The following ANKRD28 variants were observed in gnomAD, a reference collection of about 807,000 sequenced individuals.
ANKRD28 encodes ankyrin repeat domain 28, also known as serine/threonine-protein phosphatase 6 regulatory ankyrin repeat subunit A.
In ANKRD28, 44 loss-of-function variants were observed where a neutral mutation model predicts 126.5. The ratio of observed to expected loss-of-function variants is 0.35; its 90% CI spans 0.27 to 0.45. The LOEUF (loss-of-function observed/expected upper bound fraction) is 0.45. Ranked by LOEUF, ANKRD28 falls within the 20% of genes least tolerant of loss-of-function variation. The pLI is 1.00. For synonymous variants in ANKRD28, 442 were observed against 468.5 expected (o/e 0.94, Z 0.73); for missense variants, 1,110 against 1,316.6 (o/e 0.84, Z 2.43).
chr3:15,742,078 G>T (rs1005462050), intron 4 of ANKRD28, among the ~76,000 whole-genome samples: 21 of 152,144 alleles, frequency 1.4e-4, no homozygotes, highest in African/African-American at 5.1e-4. Context: ...GCGTGATCTC[G>T]GCTCGCTACA....
At chr3:15,857,537 G>A (rs955032409) in intron 1 of ANKRD28, among the ~76,000 whole-genome samples, 6 of 152,268 alleles carry the variant, frequency 3.9e-5, no homozygotes, top group Admixed American at 2.0e-4. Flanking sequence ...CGCCTGCCTC[G>A]GCCTCTCAAA....
intron 2 of ANKRD28, among the ~76,000 whole-genome samples, chr3:15,780,324 A>G (rs995634640): frequency 6.6e-6 from 1 of 152,138 alleles, no homozygotes; most frequent in Admixed American, 6.5e-5. Context: ...AATAGCAACA[A>G]CAAAAAAAAG....
chr3:15,819,689 C>T (rs1469887416), intron 1 of ANKRD28, among the ~76,000 whole-genome samples: 1 of 152,138 alleles, frequency 6.6e-6, no homozygotes, highest in East Asian at 1.9e-4. Flanking sequence ...GAATCAGATG[C>T]ATACCAATGT....
chr3:15,822,076 T>C (rs554254812), intron 1 of ANKRD28, among the ~76,000 whole-genome samples: 1 of 152,262 alleles, frequency 6.6e-6, no homozygotes, highest in East Asian at 1.9e-4. Flanking sequence ...CCATATATAA[T>C]AGAAAACCTA....
intron 7 of ANKRD28, among the ~76,000 whole-genome samples, chr3:15,723,502 C>T (rs112593398): frequency 1.2e-4 from 18 of 152,246 alleles, no homozygotes; most frequent in Middle Eastern, 3.4e-3. Flanking sequence ...AGAATAAATA[C>T]GCTGAGTGGG....
At position 15,697,839 on chromosome 3, in the gene ANKRD28, C is replaced by T. The variant is rs554403851; in HGVS notation, c.1548-1594G>A. ...TCCTCTTTGTACCTCTGGTAGAATT[C>T]GGCTGTGAATCCATCTGGTCCTGGA... On this transcript the variant is annotated intron_variant, in intron 14 of 27. Coordinates refer to ENST00000683139, the MANE Select transcript of ANKRD28 (RefSeq NM_001349278.2). Among the ~76,000 whole-genome samples, 295 of 152,202 alleles carry T rather than the reference C, an allele frequency of 1.9e-3. 1 individual carries two copies. The highest frequency in any genetic ancestry group is 6.7e-3 in the African/African-American group (279 of 41,550).
rs774230769 is a variant in ANKRD28 at position 15,685,432 on chromosome 3, T to C, written c.2183A>G (p.His728Arg). ...AAGTAATGCATCTACACATTCTTCA[T>C]GGCCTGTAACTGCCTGAAAGAAAAT... ...TALHRGAVTG[H>R]EECVDALLQH... is the part of the protein sequence containing the mutation. The change falls in exon 21 of 28, where the codon CAT becomes CGT. Residue 728 changes from histidine to arginine, a missense_variant. Transcript: ENST00000683139. The C allele has an allele frequency of 1.9e-6, 3 of 1,613,892 alleles. No individual in the cohort carries two copies. The highest frequency in any genetic ancestry group is 1.3e-5 in the African/African-American group (1 of 74,940).
At chr3:15,729,221 C>CT (rs1177227957) in intron 6 of ANKRD28, among the ~76,000 whole-genome samples, 1 of 152,214 alleles carries the variant, frequency 6.6e-6, no homozygotes, top group Non-Finnish European at 1.5e-5. Context: ...TAACTTGTCA[C>CT]TTTTTGTCAG....
At chr3:15,674,071 C>T (rs2066654788) in intron 27 of ANKRD28, among the ~76,000 whole-genome samples, 1 of 141,892 alleles carries the variant, frequency 7.0e-6, no homozygotes, top group Non-Finnish European at 1.5e-5. Flanking sequence ...ACTTGGGAGG[C>T]TGAGGTGAGA....
At chr3:15,787,619 C>T (rs550389413) in intron 2 of ANKRD28, among the ~76,000 whole-genome samples, 1 of 152,226 alleles carries the variant, frequency 6.6e-6, no homozygotes, top group African/African-American at 2.4e-5. Flanking sequence ...ACCATGTACA[C>T]ACATATGGTT....
intron 27 of ANKRD28, among the ~76,000 whole-genome samples, chr3:15,671,278 G>GA (rs2066312921): frequency 6.6e-6 from 1 of 152,160 alleles, no homozygotes; most frequent in East Asian, 1.9e-4. Context: ...AACCAAGGAG[G>GA]AAACATTTGG....
intron 3 of ANKRD28, among the ~76,000 whole-genome samples, chr3:15,754,296 T>G (rs534676911): frequency 1.3e-5 from 2 of 152,226 alleles, no homozygotes; most frequent in Admixed American, 1.3e-4. Flanking sequence ...ATCTTGCATA[T>G]GCCATTCACC....
chr3:15,806,749 T>C (rs979506560), intron 1 of ANKRD28, among the ~76,000 whole-genome samples: 2 of 152,188 alleles, frequency 1.3e-5, no homozygotes, highest in Non-Finnish European at 2.9e-5. Flanking sequence ...CTTGAACTCC[T>C]GACCTCAGGT....
intron 18 of ANKRD28, among the ~76,000 whole-genome samples, chr3:15,689,614 C>T (rs993224236): frequency 6.6e-6 from 1 of 152,126 alleles, no homozygotes; most frequent in African/African-American, 2.4e-5. Context: ...GTGGGACAGG[C>T]TGGAGCATGA....
Position 15,676,970 on chromosome 3 carries a change from T to G in ANKRD28, c.2873+4A>C. On this transcript the variant is annotated splice_donor_region_variant and intron_variant, in intron 26 of 27. Coordinates refer to ENST00000683139, the MANE Select transcript of ANKRD28 (RefSeq NM_001349278.2). ...AGTTTATACTAGATACTGACAGTAC[T>G]CACGTTTGCAAGGCTGCGTTGGTTG... The G allele has an allele frequency of 6.2e-7, 1 of 1,610,482 alleles. No homozygotes were observed. Among genetic ancestry groups the G allele is most frequent in the African/African-American group, 1.3e-5 (1 of 74,924 alleles).
At chr3:15,776,142 C>T (rs1049179824) in intron 2 of ANKRD28, among the ~76,000 whole-genome samples, 1 of 152,200 alleles carries the variant, frequency 6.6e-6, no homozygotes, top group East Asian at 1.9e-4. Context: ...CCATATCGTA[C>T]ACTACATACT....
intron 3 of ANKRD28, among the ~76,000 whole-genome samples, chr3:15,757,726 G>T (rs1396770558): frequency 6.6e-6 from 1 of 152,060 alleles, no homozygotes; most frequent in Non-Finnish European, 1.5e-5. Flanking sequence ...ATCTTCCCAG[G>T]CCCCAGAACT....
chr3:15,759,680 G>A (rs189001786), intron 3 of ANKRD28, among the ~76,000 whole-genome samples: 153 of 152,226 alleles, frequency 1.0e-3, no homozygotes, highest in African/African-American at 3.4e-3. Context: ...ATACAATAAG[G>A]AAACAGTTAC....
chr3:15,769,045 C>G (rs1349992090), intron 2 of ANKRD28, among the ~76,000 whole-genome samples: 1 of 152,148 alleles, frequency 6.6e-6, no homozygotes, highest in Non-Finnish European at 1.5e-5. Flanking sequence ...CAGTGTTACT[C>G]ATTAACACAG....
Sources: allele counts gnomAD v4.1 joint callset (sites outside exome capture counted in the v4.1 genomes callset), GRCh38; gene constraint gnomAD v4.1.1; transcripts MANE v1.5; gene names NCBI Gene and HGNC (gene_info 2026-07-23, HGNC 2026-07-21).